Variants in FAM120C observed in about 807,000 individuals in gnomAD.
FAM120C encodes constitutive coactivator of PPAR-gamma-like protein 2.
Under a neutral mutation model 71.2 loss-of-function variants are expected in FAM120C, and 14 were observed. That is an observed-to-expected ratio of 0.20 (90% CI 0.13 to 0.31). The LOEUF is 0.31. FAM120C is among the 10% of genes least tolerant of loss of function. FAM120C has a pLI of 1.00. For missense variants in FAM120C, 500 were observed against 879.0 expected (o/e 0.57, Z 5.45); for synonymous variants, 354 against 353.2 (o/e 1.00, Z -0.03).
At chrX:54,116,943 C>T (rs1248599002) in intron 9 of FAM120C, 149 bp from the exon 10 acceptor site, 6 of 662,459 alleles carry the variant, frequency 9.1e-6, no homozygotes, top group African/African-American at 4.5e-5. Context: ...GAATAGTACA[C>T]GTTTATTAAG....
chrX:54,101,899 C>A (rs1442725675), intron 10 of FAM120C, among the ~76,000 whole-genome samples: 1 of 112,014 alleles, frequency 8.9e-6, no homozygotes, highest in East Asian at 2.8e-4. Context: ...TAAGCCTTCA[C>A]TAGAATCTTG....
At chrX:54,129,245 G>A (rs1343834816) in intron 9 of FAM120C, among the ~76,000 whole-genome samples, 1 of 106,968 alleles carries the variant, frequency 9.3e-6, no homozygotes, top group African/African-American at 3.4e-5. Flanking sequence ...CCGGGCGGAG[G>A]GGCTCCTCAC....
At chrX:54,112,534 C>T (rs1260020163) in intron 10 of FAM120C, among the ~76,000 whole-genome samples, 4 of 109,545 alleles carry the variant, frequency 3.7e-5, no homozygotes, top group Non-Finnish European at 5.7e-5. Flanking sequence ...GGAGAAACCC[C>T]GTCTCTACTG....
intron 1 of FAM120C, among the ~76,000 whole-genome samples, chrX:54,160,497 T>C (rs2067230961): frequency 9.0e-6 from 1 of 111,278 alleles, no homozygotes. Flanking sequence ...GTACCACGCT[T>C]CTTCCTGGAG....
chrX:54,128,495 G>C (rs1557128434), intron 9 of FAM120C, among the ~76,000 whole-genome samples: 1 of 102,333 alleles, frequency 9.8e-6, no homozygotes, highest in African/African-American at 3.6e-5. Context: ...TTTTTTAATT[G>C]ATCATTCTTG....
chrX:54,166,962 A>G (rs1287782840), intron 1 of FAM120C, among the ~76,000 whole-genome samples: 11 of 107,438 alleles, frequency 1.0e-4, no homozygotes, highest in South Asian at 4.0e-4. Context: ...ATATTCAGGG[A>G]AAAAAAAAAG....
chrX:54,073,280 G>A lies in FAM120C; in HGVS notation c.3044C>T (p.Ser1015Leu). Residue 1015 changes from serine to leucine, a missense_variant, in exon 16 of 16, where the codon TCA (serine) becomes TTA (leucine). Coordinates refer to ENST00000375180, the MANE Select transcript of FAM120C (RefSeq NM_017848.6). Reference sequence around the variant, plus strand: ...CTCCAGGGATTTAGAAACTCCATCTGAAGAGCCCTGTTAAAAACAGAGATA... The same window carrying A: ...CTCCAGGGATTTAGAAACTCCATCTAAAGAGCCCTGTTAAAAACAGAGATA... The part of the protein sequence containing the change: ...GHKKGNKQGS[S>L]DGVSKSLELH... 1 of 1,200,576 alleles carries A rather than the reference G, an allele frequency of 8.3e-7. No individual in the cohort carries two copies. Among genetic ancestry groups the A allele is most frequent in the South Asian group, 1.8e-5 (1 of 55,927 alleles).
In FAM120C at chrX:54,183,004, C is replaced by T; in HGVS notation, c.195G>A (p.Pro65=). ...RAARGSVPLQ[P]PLPPAALGAY... ...CACCCAAGGCAGCGGGCGGAAGCGG[C>T]GGTTGCAGAGGCACGGAGCCCCTGG... The change falls in exon 1 of 16, where the codon CCG becomes CCA. Residue 65 remains proline, a synonymous_variant. Transcript: ENST00000375180. The T allele has an allele frequency of 8.6e-7, 1 of 1,158,789 alleles. No homozygotes were observed. Among genetic ancestry groups the T allele is most frequent in the Non-Finnish European group, 1.1e-6 (1 of 871,197 alleles).
chrX:54,144,754 A>T (rs1157768167), intron 4 of FAM120C, among the ~76,000 whole-genome samples: 1 of 112,328 alleles, frequency 8.9e-6, no homozygotes, highest in Non-Finnish European at 1.9e-5. Flanking sequence ...GGTAATTTAT[A>T]GATTCAATGC....
intron 9 of FAM120C, among the ~76,000 whole-genome samples, chrX:54,117,438 C>A (rs1274876797): frequency 6.8e-5 from 7 of 102,280 alleles, no homozygotes; most frequent in Non-Finnish European, 1.2e-4. Flanking sequence ...GTGGCTCACA[C>A]CTGTAATCCC....
At chrX:54,086,770 A>AG (rs1192309723) in intron 12 of FAM120C, among the ~76,000 whole-genome samples, 1 of 107,953 alleles carries the variant, frequency 9.3e-6, no homozygotes, top group Non-Finnish European at 1.9e-5. Flanking sequence ...AAAAAAAAAA[A>AG]AAAAGAAGAA....
rs782015082 is a variant in FAM120C, at chrX:54,080,269, C to T, written c.2999G>A (p.Gly1000Asp). Reference sequence around the variant, plus strand: ...TTTTTTGTGTCCCTTGGATCCTCTACCAGTCTGTTCTTTTCCATGCCTTTA... The same window carrying T: ...TTTTTTGTGTCCCTTGGATCCTCTATCAGTCTGTTCTTTTCCATGCCTTTA... ...PGKGHGKEQT[G>D]RGSKGHKKGN... The change falls in exon 15 of 16, where the codon GGT becomes GAT. Residue 1000 changes from glycine to aspartate, a missense_variant. Coordinates refer to ENST00000375180, the MANE Select transcript of FAM120C (RefSeq NM_017848.6). 2.5e-6 allele frequency: 3 copies of T among 1,209,289 alleles called. No individual in the cohort carries two copies. The highest frequency in any genetic ancestry group is 3.4e-6 in the Non-Finnish European group (3 of 893,935).
intron 10 of FAM120C, among the ~76,000 whole-genome samples, chrX:54,099,568 T>C (rs927765521): frequency 4.5e-5 from 5 of 111,828 alleles, no homozygotes; most frequent in Admixed American, 9.6e-5. Context: ...CTAACCTGAG[T>C]TCGTGAAGAA....
chrX:54,144,481 A>C (rs1195612834), intron 4 of FAM120C, among the ~76,000 whole-genome samples: 1 of 112,299 alleles, frequency 8.9e-6, no homozygotes, highest in Non-Finnish European at 1.9e-5. Flanking sequence ...AGGATACAAA[A>C]TCAATGTGCA....
intron 1 of FAM120C, among the ~76,000 whole-genome samples, chrX:54,170,538 A>T (rs1039476526): frequency 4.5e-5 from 5 of 112,070 alleles, no homozygotes; most frequent in Admixed American, 3.8e-4. Context: ...TTGGATTTTT[A>T]AAAAACCTGT....
intron 10 of FAM120C, among the ~76,000 whole-genome samples, chrX:54,105,049 T>C (rs1557124619): frequency 2.7e-5 from 3 of 111,361 alleles, no homozygotes; most frequent in East Asian, 5.6e-4. Flanking sequence ...TCCTCCCTAA[T>C]TCATTTTATG....
chrX:54,182,677 G>T lies in FAM120C; in HGVS notation c.522C>A (p.Gly174=). The T allele has an allele frequency of 8.3e-7, 1 of 1,209,319 alleles. No individual in the cohort carries two copies. The change falls in exon 1 of 16, where the codon GGC becomes GGA. Residue 174 remains glycine, a synonymous_variant. Transcript: ENST00000375180. ...GLELVVMFPG[G]LGKDRLAEWG... ...ACTCGGCCAGCCGGTCCTTGCCCAG[G>T]CCCCCCGGGAACATGACCACGAGCT...
intron 1 of FAM120C, among the ~76,000 whole-genome samples, chrX:54,178,081 GAAGA>G (rs2067327809): frequency 8.9e-6 from 1 of 111,941 alleles, no homozygotes; most frequent in Non-Finnish European, 1.9e-5. Context: ...GGTGAATAGG[GAAGA>G]AAGGAGATAA....
At chrX:54,160,053 A>G (rs1484549395) in intron 1 of FAM120C, among the ~76,000 whole-genome samples, 1 of 111,379 alleles carries the variant, frequency 9.0e-6, no homozygotes, top group Non-Finnish European at 1.9e-5. Flanking sequence ...TCAAAATTAG[A>G]ATACTGAAAT....
Sources: gnomAD v4.1 joint callset for allele counts (sites outside exome capture counted in the v4.1 genomes callset) on GRCh38, gnomAD v4.1.1 for gene constraint, MANE v1.5 for transcripts, NCBI Gene and HGNC (gene_info 2026-07-23, HGNC 2026-07-21) for gene names.